Variants in PRKCB observed in about 807,000 individuals in gnomAD.
The protein encoded by PRKCB is protein kinase C beta type.
A neutral mutation model predicts 81.5 loss-of-function variants in PRKCB; 13 were observed. That is an observed-to-expected ratio of 0.16 (90% CI 0.10 to 0.25). The LOEUF is 0.25. PRKCB is among the 10% of genes least tolerant of loss of function. The pLI, the probability that PRKCB is intolerant of heterozygous loss-of-function variation, is 1.00. For synonymous variants in PRKCB, 335 were observed against 321.4 expected (o/e 1.04, Z -0.45); for missense variants, 509 against 875.7 (o/e 0.58, Z 5.29).
rs1176272614 is a variant in PRKCB at position 24,172,314 on chromosome 16, C to T, written c.1284C>T (p.Leu428=). Residue 428 remains leucine, a synonymous_variant, in exon 11 of 17, where the codon CTC becomes CTT. Coordinates refer to ENST00000643927, the MANE Select transcript of PRKCB (RefSeq NM_002738.7). The part of the protein sequence containing the change: ...FVMEYVNGGD[L]MYHIQQVGRF... ...TGGAGTACGTGAATGGGGGCGACCTCATGTATCACATCCAGCAAGTCGGCC... is the reference window on the plus strand; with the variant it reads ...TGGAGTACGTGAATGGGGGCGACCTTATGTATCACATCCAGCAAGTCGGCC... 3 of 1,613,896 alleles carry T rather than the reference C, an allele frequency of 1.9e-6. No individual in the cohort carries two copies. Among genetic ancestry groups the T allele is most frequent in the African/African-American group, 2.7e-5 (2 of 74,906 alleles).
intron 2 of PRKCB, among the ~76,000 whole-genome samples, chr16:23,986,458 C>T (rs1294396415): frequency 1.3e-5 from 2 of 151,978 alleles, no homozygotes; most frequent in East Asian, 3.9e-4. Flanking sequence ...CACTATGTTG[C>T]CCAGGTTGGT....
In PRKCB at chr16:24,214,905, G is replaced by T. The variant is rs1968200941; in HGVS notation, c.*89G>T. ...TTTTTATGTTTTTCATTGCCAAGTT[G>T]CATCCATGTTTGATTTTCTGATGAG... On this transcript the variant is annotated 3_prime_UTR_variant, in exon 17 of 17. Coordinates refer to ENST00000643927, the MANE Select transcript of PRKCB (RefSeq NM_002738.7). 6.4e-7 allele frequency: 1 copy of T among 1,557,574 alleles called. No individual in the cohort carries two copies. Among genetic ancestry groups the T allele is most frequent in the East Asian group, 2.2e-5 (1 of 44,504 alleles).
chr16:24,164,888 A>G (rs1420606558), intron 10 of PRKCB, among the ~76,000 whole-genome samples: 2 of 152,184 alleles, frequency 1.3e-5, no homozygotes, highest in East Asian at 3.9e-4. Context: ...CGTAGGAGGA[A>G]TGGGGAACAA....
intron 5 of PRKCB, among the ~76,000 whole-genome samples, chr16:24,081,765 T>C (rs991435016): frequency 1.3e-5 from 2 of 151,868 alleles, no homozygotes; most frequent in Non-Finnish European, 2.9e-5. Flanking sequence ...TCTCACCTAC[T>C]TGGGAGTAGG....
intron 2 of PRKCB, among the ~76,000 whole-genome samples, chr16:23,846,474 G>A (rs1385605031): frequency 6.6e-6 from 1 of 151,866 alleles, no homozygotes; most frequent in Non-Finnish European, 1.5e-5. Context: ...GCCAGGTGTG[G>A]TGGCATGTGC....
chr16:23,908,990 C>G (rs1963610654), intron 2 of PRKCB, among the ~76,000 whole-genome samples: 1 of 152,250 alleles, frequency 6.6e-6, no homozygotes, highest in African/African-American at 2.4e-5. Flanking sequence ...TCCCTGCACA[C>G]CCACTGGGAC....
In PRKCB at chr16:24,032,168, C is replaced by T; in HGVS notation, c.321C>T (p.His107=). The change falls in exon 4 of 17, where the codon CAC becomes CAT. Residue 107 remains histidine, a synonymous_variant. Coordinates refer to ENST00000643927, the MANE Select transcript of PRKCB (RefSeq NM_002738.7). ...DPRSKHKFKI[H]TYSSPTFCDH... Reference sequence around the variant, plus strand: ...GCAGCAAACACAAGTTTAAGATCCACACGTACTCCAGCCCCACGTTTTGTG... The same window carrying T: ...GCAGCAAACACAAGTTTAAGATCCATACGTACTCCAGCCCCACGTTTTGTG... The T allele has an allele frequency of 6.2e-7, 1 of 1,613,910 alleles. No individual in the cohort carries two copies. Among genetic ancestry groups the T allele is most frequent in the African/African-American group, 1.3e-5 (1 of 75,034 alleles).
chr16:24,088,249 G>A (rs1478447522), intron 5 of PRKCB, among the ~76,000 whole-genome samples: 3 of 152,158 alleles, frequency 2.0e-5, no homozygotes, highest in Admixed American at 2.0e-4. Flanking sequence ...AGAGCTCTTG[G>A]AGATGTGAAT....
At chr16:24,190,435 C>G (rs887433394) in intron 15 of PRKCB, among the ~76,000 whole-genome samples, 2 of 149,924 alleles carry the variant, frequency 1.3e-5, no homozygotes, top group African/African-American at 4.9e-5. Context: ...TTGCACAAAA[C>G]TTATTCTTAA....
intron 5 of PRKCB, among the ~76,000 whole-genome samples, chr16:24,089,955 A>G (rs1467649126): frequency 6.6e-6 from 1 of 152,194 alleles, no homozygotes; most frequent in African/African-American, 2.4e-5. Flanking sequence ...TACTCTTGTA[A>G]CAACCTATTT....
At chr16:24,087,328 C>T (rs1243744184) in intron 5 of PRKCB, among the ~76,000 whole-genome samples, 4 of 152,244 alleles carry the variant, frequency 2.6e-5, no homozygotes, top group African/African-American at 7.2e-5. Flanking sequence ...TTTTTCAACA[C>T]GTTTCTGCAT....
chr16:24,193,589 A>G (rs540382220), intron 16 of PRKCB, among the ~76,000 whole-genome samples: 213 of 152,272 alleles, frequency 1.4e-3, no homozygotes, highest in African/African-American at 5.0e-3. Flanking sequence ...TACTAGGATT[A>G]CAGGTGTGAG....
intron 5 of PRKCB, among the ~76,000 whole-genome samples, chr16:24,081,414 T>C (rs115246704): frequency 0.017 from 2,600 of 152,304 alleles, 73 homozygotes; most frequent in African/African-American, 0.06. Context: ...AGAAGGGAAC[T>C]TTCTTGATCC....
chr16:23,910,196 T>C (rs1485464734), intron 2 of PRKCB, among the ~76,000 whole-genome samples: 2 of 152,228 alleles, frequency 1.3e-5, no homozygotes, highest in East Asian at 3.9e-4. Flanking sequence ...AGACCAGAGC[T>C]TGTCATAAGA....
intron 2 of PRKCB, among the ~76,000 whole-genome samples, chr16:23,913,039 G>A (rs181804169): frequency 1.1e-4 from 17 of 152,118 alleles, no homozygotes; most frequent in African/African-American, 3.6e-4. Context: ...GGGCTTAAGC[G>A]ATCTGCCCAC....
At chr16:24,101,947 GA>G in intron 7 of PRKCB, among the ~76,000 whole-genome samples, 1 of 152,326 alleles carries the variant, frequency 6.6e-6, no homozygotes, top group Non-Finnish European at 1.5e-5. Context: ...CCAAGGCTCA[GA>G]ATAGTTCAGC....
chr16:24,027,378 T>C (rs1453428722), intron 3 of PRKCB, among the ~76,000 whole-genome samples: 1 of 152,210 alleles, frequency 6.6e-6, no homozygotes, highest in Non-Finnish European at 1.5e-5. Flanking sequence ...AGGAACCTTA[T>C]GTATTCACTT....
At chr16:23,963,096 T>C (rs760186953) in intron 2 of PRKCB, 1 of 152,208 alleles carries the variant, frequency 6.6e-6, no homozygotes, top group Non-Finnish European at 1.5e-5. Context: ...TATGGCTGAG[T>C]AGTATTCCAT....
intron 5 of PRKCB, among the ~76,000 whole-genome samples, chr16:24,077,438 A>G (rs919599423): frequency 2.7e-5 from 4 of 150,366 alleles, no homozygotes; most frequent in Non-Finnish European, 4.4e-5. Flanking sequence ...CATCCAATCC[A>G]TACATTCATC....
Sources: gnomAD v4.1 joint callset for allele counts (sites outside exome capture counted in the v4.1 genomes callset) on GRCh38, gnomAD v4.1.1 for gene constraint, MANE v1.5 for transcripts, NCBI Gene and HGNC (gene_info 2026-07-23, HGNC 2026-07-21) for gene names.